The following FKBP9 variants were observed in gnomAD, a reference collection of about 807,000 sequenced individuals.
The protein encoded by FKBP9 is FKBP prolyl isomerase 9.
FKBP9 carries 27 observed loss-of-function variants against 55.6 expected under a neutral mutation model. That is an observed-to-expected ratio of 0.49 (90% CI 0.36 to 0.67). The LOEUF (loss-of-function observed/expected upper bound fraction) is 0.67, where lower values mean the gene tolerates loss of function less well. Ranked by LOEUF, FKBP9 falls within the 30% of genes least tolerant of loss-of-function variation. The pLI is 0.00. For synonymous variants in FKBP9, 267 were observed against 296.5 expected, an observed-to-expected ratio of 0.90 and a Z score of 1.02; for missense variants, 539 against 742.8, an observed-to-expected ratio of 0.73 and a Z score of 3.19.
In FKBP9 at chr7:32,996,338, G is replaced by A; in HGVS notation, c.1215G>A (p.Leu405=). The A allele has an allele frequency of 6.2e-7, 1 of 1,613,090 alleles. No individual in the cohort carries two copies. The highest frequency in any genetic ancestry group is 8.5e-7 in the Non-Finnish European group (1 of 1,179,224). Reference sequence around the variant, plus strand: ...ATGCCTCACTTCTGGATGGGACCCTGCTGGACTCCACGTAAGGGCAACCAG... The same window carrying A: ...ATGCCTCACTTCTGGATGGGACCCTACTGGACTCCACGTAAGGGCAACCAG... The part of the protein sequence containing the change: ...HYNASLLDGT[L]LDSTWNLGKT... Residue 405 remains leucine, a synonymous_variant, in exon 7 of 10, where the codon CTG becomes CTA. Transcript: ENST00000242209.
chr7:32,990,635 C>T (rs563571828), intron 6 of FKBP9, among the ~76,000 whole-genome samples: 1 of 152,358 alleles, frequency 6.6e-6, no homozygotes, highest in African/African-American at 2.4e-5. Context: ...TGTGATTTCT[C>T]TCTTCACCTA....
chr7:32,973,043 T>C (rs926261607), intron 1 of FKBP9, among the ~76,000 whole-genome samples: 5 of 152,152 alleles, frequency 3.3e-5, no homozygotes, highest in African/African-American at 1.2e-4. Flanking sequence ...CCTTTACTCT[T>C]ATTGTATATA....
At chr7:32,993,158 G>T in intron 6 of FKBP9, 1 of 232,472 alleles carries the variant, frequency 4.3e-6, no homozygotes, top group Non-Finnish European at 8.5e-6. Context: ...TATTTGAATT[G>T]ATAAAATTTG....
intron 4 of FKBP9, among the ~76,000 whole-genome samples, chr7:32,979,048 C>T (rs1412954214): frequency 1.3e-5 from 2 of 152,082 alleles, no homozygotes; most frequent in African/African-American, 2.4e-5. Context: ...TTGGGTGGAT[C>T]GCCTGAGGTC....
At chr7:32,991,269 C>A (rs553400658) in intron 6 of FKBP9, among the ~76,000 whole-genome samples, 1 of 152,176 alleles carries the variant, frequency 6.6e-6, no homozygotes, top group South Asian at 2.1e-4. Flanking sequence ...TGGGAAGCAG[C>A]CGAAGGCTCG....
At chr7:32,970,953 C>A (rs55881735) in intron 1 of FKBP9, among the ~76,000 whole-genome samples, 1 of 149,216 alleles carries the variant, frequency 6.7e-6, no homozygotes, top group East Asian at 1.9e-4. Flanking sequence ...GCATCTTTTC[C>A]TTGTTCCCAA....
intron 5 of FKBP9, among the ~76,000 whole-genome samples, chr7:32,986,445 G>A (rs1784578701): frequency 6.6e-6 from 1 of 152,240 alleles, no homozygotes; most frequent in Admixed American, 6.5e-5. Flanking sequence ...CCTCGGGAGG[G>A]TGAGCCCTGC....
Position 33,006,357 on chromosome 7 carries a change from G to A in FKBP9, c.*1006G>A, listed in dbSNP as rs557683037. 3 of 196,764 alleles carry A rather than the reference G, an allele frequency of 1.5e-5. No homozygotes were observed. Among genetic ancestry groups the A allele is most frequent in the East Asian group, 7.9e-5 (1 of 12,618 alleles). The allele number at this position is 196,764 out of a possible 1,614,324, so 12.2% of individuals were successfully genotyped here. Reference sequence around the variant, plus strand: ...GGTCTCAATCTCGACCTCGTGATCCGCCCACCTTGGCCTCCCAAAGTGTTG... The same window carrying A: ...GGTCTCAATCTCGACCTCGTGATCCACCCACCTTGGCCTCCCAAAGTGTTG... On this transcript the variant is annotated 3_prime_UTR_variant, in exon 10 of 10. Coordinates refer to ENST00000242209, the MANE Select transcript of FKBP9 (RefSeq NM_007270.5).
chr7:32,991,274 G>T (rs1784675696), intron 6 of FKBP9, among the ~76,000 whole-genome samples: 2 of 152,042 alleles, frequency 1.3e-5, no homozygotes, highest in Admixed American at 6.6e-5. Context: ...AGCAGCCGAA[G>T]GCTCGTAAAT....
Position 32,980,519 on chromosome 7 carries a change from G to C in FKBP9, c.859G>C (p.Gly287Arg). 6.2e-7 allele frequency: 1 copy of C among 1,613,834 alleles called. No individual in the cohort carries two copies. Among genetic ancestry groups the C allele is most frequent in the Non-Finnish European group, 8.5e-7 (1 of 1,179,830 alleles). Residue 287 changes from glycine (G) to arginine (R), a missense_variant, in exon 5 of 10, where the codon GGC becomes CGC. Physicochemically the swap from Gly to Arg is moderately radical, Grantham distance 125. This residue lies in a region of FKBP9 where 172 missense variants were observed against 205.3 expected (regional missense o/e 0.84). Transcript: ENST00000242209. ...GGACTTTCTCAGGTATCATTACAAT[G>C]GCACGCTTCTGGATGGCACCCTCTT... ...SGDFLRYHYN[G>R]TLLDGTLFDS...
In FKBP9 at chr7:33,006,094, T is replaced by C. The variant is rs1433047646; in HGVS notation, c.*743T>C. The C allele has an allele frequency of 6.3e-6, 1 of 158,006 alleles. No homozygotes were observed. Among genetic ancestry groups the C allele is most frequent in the African/African-American group, 2.9e-5 (1 of 34,042 alleles). 9.8% of individuals were successfully genotyped at this position (158,006 alleles called of 1,614,324 possible). On this transcript the variant is annotated 3_prime_UTR_variant, in exon 10 of 10. Transcript: ENST00000242209. ...CATCTGCTTAGCTTTTCCTTTCCTT[T>C]TTTTTTTTTTTTTTTTTTCTGGAGG... is the stretch of plus-strand genomic sequence containing the variant.
At chr7:32,998,012 G>A (rs1784851294) in intron 7 of FKBP9, among the ~76,000 whole-genome samples, 1 of 152,136 alleles carries the variant, frequency 6.6e-6, no homozygotes, top group East Asian at 1.9e-4. Context: ...GTCATAAAAT[G>A]TATCCTAATT....
intron 1 of FKBP9, 127 bp from the exon 2 acceptor site, chr7:32,974,490 C>T (rs1784321458): frequency 2.8e-6 from 2 of 726,238 alleles, no homozygotes; most frequent in African/African-American, 3.5e-5. Flanking sequence ...ATCAGTAACT[C>T]CTAGGCAGGG....
intron 1 of FKBP9, among the ~76,000 whole-genome samples, chr7:32,966,204 A>AC (rs1310837840): frequency 7.0e-6 from 1 of 143,354 alleles, no homozygotes; most frequent in Non-Finnish European, 1.5e-5. Flanking sequence ...AAAAAAAAAA[A>AC]AGAATATAGC....
At chr7:32,978,192 G>A (rs1784403093) in intron 4 of FKBP9, among the ~76,000 whole-genome samples, 1 of 151,732 alleles carries the variant, frequency 6.6e-6, no homozygotes, top group Admixed American at 6.6e-5. Flanking sequence ...AAAGTGCTGG[G>A]ATTACAGGTG....
chr7:32,974,791 C>T (rs775997771), intron 2 of FKBP9, 29 bp downstream of exon 2: 19 of 1,591,524 alleles, frequency 1.2e-5, no homozygotes, highest in East Asian at 2.2e-5. Context: ...TTTATAAACA[C>T]GTCAGCAGAA....
At chr7:32,986,045 G>A (rs574049276) in intron 5 of FKBP9, among the ~76,000 whole-genome samples, 112 of 152,212 alleles carry the variant, frequency 7.4e-4, no homozygotes, top group African/African-American at 2.6e-3. Flanking sequence ...GAGGACTGAC[G>A]ACTTCACTTT....
At chr7:32,995,680 G>A (rs1221399190) in intron 6 of FKBP9, among the ~76,000 whole-genome samples, 1 of 152,132 alleles carries the variant, frequency 6.6e-6, no homozygotes, top group African/African-American at 2.4e-5. Flanking sequence ...TTGGGGGAGA[G>A]GTGTTTTTTT....
In FKBP9 at chr7:33,005,158, G is replaced by A; in HGVS notation, c.1537-17G>A. ...GGCGGCTGAACTCATGGTCTTTCCT[G>A]TCCCCTTCTTTTCCAGTTCTCAGAG... is the stretch of plus-strand genomic sequence containing the variant. On this transcript the variant is annotated splice_polypyrimidine_tract_variant and intron_variant, in intron 9 of 9. Transcript: ENST00000242209. 6.2e-7 allele frequency: 1 copy of A among 1,611,386 alleles called. No individual in the cohort carries two copies. The highest frequency in any genetic ancestry group is 8.5e-7 in the Non-Finnish European group (1 of 1,178,128).
Sources: allele counts gnomAD v4.1 joint callset (sites outside exome capture counted in the v4.1 genomes callset), GRCh38; gene constraint gnomAD v4.1.1; regional missense constraint gnomAD v4.1.1; transcripts MANE v1.5; gene names NCBI Gene and HGNC (gene_info 2026-07-23, HGNC 2026-07-21).